IL6ST: variants seen among roughly 807,000 people sequenced by gnomAD.
IL6ST encodes the protein interleukin-6 receptor subunit beta.
In IL6ST, 24 loss-of-function variants were observed where a neutral mutation model predicts 91.3. The ratio of observed to expected loss-of-function variants is 0.26; its 90% CI spans 0.19 to 0.37. The LOEUF (loss-of-function observed/expected upper bound fraction) is 0.37. Among genes scored for constraint, IL6ST ranks in the 10% least tolerant of loss-of-function variants. IL6ST has a pLI of 1.00. For synonymous variants in IL6ST, 351 were observed against 373.6 expected (o/e 0.94, Z 0.70); for missense variants, 914 against 1,078.5 (o/e 0.85, Z 2.14).
At chr5:55,990,753 T>A (rs1487070309) in intron 1 of IL6ST, among the ~76,000 whole-genome samples, 2 of 141,706 alleles carry the variant, frequency 1.4e-5, no homozygotes, top group Non-Finnish European at 2.9e-5. Flanking sequence ...CCACTTTTTT[T>A]GTTTATTATA....
chr5:55,966,075 A>T (rs890786707), intron 5 of IL6ST, among the ~76,000 whole-genome samples: 6 of 152,206 alleles, frequency 3.9e-5, no homozygotes, highest in Non-Finnish European at 8.8e-5. Context: ...CAGTTGATAA[A>T]GGCAAGTTTT....
Position 55,972,372 on chromosome 5 carries a change from C to A in IL6ST, c.65-2517G>T, listed in dbSNP as rs190884154. ...CTAAAAATACAAAAAATTAGCCGGGCGTGGTGGCGGGCGCCTGTAGTCCCA... is the reference window on the plus strand; with the variant it reads ...CTAAAAATACAAAAAATTAGCCGGGAGTGGTGGCGGGCGCCTGTAGTCCCA... On this transcript the variant is annotated intron_variant, in intron 3 of 16. Coordinates refer to ENST00000381298, the MANE Select transcript of IL6ST (RefSeq NM_002184.4). Among the ~76,000 whole-genome samples the A allele has an allele frequency of 9.3e-4, 142 of 152,002 alleles. 1 individual carries two copies. The highest frequency in any genetic ancestry group is 3.2e-3 in the African/African-American group (132 of 41,484).
At position 55,976,195 on chromosome 5, in the gene IL6ST, G is replaced by A; in HGVS notation, c.64+20C>T. 2.2e-6 allele frequency: 3 copies of A among 1,390,954 alleles called. No individual in the cohort carries two copies. Among genetic ancestry groups the A allele is most frequent in the Non-Finnish European group, 3.0e-6 (3 of 1,011,132 alleles). 86.2% of individuals were successfully genotyped at this position (1,390,954 alleles called of 1,614,324 possible). On this transcript the variant is annotated intron_variant, in intron 3 of 16. Transcript: ENST00000381298. ...ACCTAATTTGTGAAGTTAGAAGATAGGGTATTTCATGAACCTTACCTGTAG... is the reference window on the plus strand; with the variant it reads ...ACCTAATTTGTGAAGTTAGAAGATAAGGTATTTCATGAACCTTACCTGTAG...
chr5:55,985,473 A>T (rs1753910915), intron 1 of IL6ST, among the ~76,000 whole-genome samples: 1 of 151,744 alleles, frequency 6.6e-6, no homozygotes, highest in Non-Finnish European at 1.5e-5. Flanking sequence ...GTGAGCAGAG[A>T]TAGCACCACT....
chr5:55,979,889 CTAGT>C (rs1753541394), intron 2 of IL6ST, among the ~76,000 whole-genome samples: 1 of 152,088 alleles, frequency 6.6e-6, no homozygotes, highest in Non-Finnish European at 1.5e-5. Context: ...TGATGGGACA[CTAGT>C]TAAATGATGG....
At chr5:55,971,489 C>T (rs190310274) in intron 3 of IL6ST, among the ~76,000 whole-genome samples, 282 of 152,292 alleles carry the variant, frequency 1.9e-3, no homozygotes, top group South Asian at 8.1e-3. Context: ...AAAGTCCCAA[C>T]TATTTGACAT....
intron 10 of IL6ST, 124 bp downstream of exon 10, chr5:55,955,901 C>G (rs901639162): frequency 1.8e-5 from 9 of 498,056 alleles, no homozygotes; most frequent in East Asian, 3.2e-5. Context: ...AAAAAATAAA[C>G]AAGTGATTAT....
rs1751640428 is a variant in IL6ST, at chr5:55,951,612, A to G, written c.1700-8T>C. On this transcript the variant is annotated splice_polypyrimidine_tract_variant and splice_region_variant and intron_variant, in intron 13 of 16. Coordinates refer to ENST00000381298, the MANE Select transcript of IL6ST (RefSeq NM_002184.4). ...AAGAATCCACATTCACAGCTGGAAG[A>G]AATAAGAACTGTGCTTCATTCAACT... The G allele has an allele frequency of 6.2e-7, 1 of 1,607,894 alleles. No individual in the cohort carries two copies. The highest frequency in any genetic ancestry group is 8.5e-7 in the Non-Finnish European group (1 of 1,178,174).
At chr5:55,967,309 CAAAAAAAAAAAAAAAAAAA>C (rs60547666) in intron 5 of IL6ST, among the ~76,000 whole-genome samples, 11 of 31,900 alleles carry the variant, frequency 3.4e-4, no homozygotes, top group African/African-American at 5.6e-4. Flanking sequence ...GACTCCATCT[CAAAAAAAAAAAAAAAAAAA>C]AAAAAAAAAA....
Position 55,940,010 on chromosome 5 carries a change from T to C in IL6ST, c.*1072A>G, listed in dbSNP as rs988074857. ...ACTAAAAATAAAAAAATTTAAATCT[T>C]TGCCTACTTATTTAAAAATAAAAAA... On this transcript the variant is annotated 3_prime_UTR_variant, in exon 17 of 17. Transcript: ENST00000381298. 2.5e-5 allele frequency: 5 copies of C among 197,530 alleles called. No individual in the cohort carries two copies. Among genetic ancestry groups the C allele is most frequent in the African/African-American group, 1.2e-4 (5 of 40,600 alleles). The allele number at this position is 197,530 out of a possible 1,614,324, so 12.2% of individuals were successfully genotyped here.
At position 55,960,478 on chromosome 5, in the gene IL6ST, A is replaced by T. The variant is rs1447597834; in HGVS notation, c.897T>A (p.Ile299=). The change falls in exon 8 of 17, where the codon ATT becomes ATA. Residue 299 remains isoleucine, a synonymous_variant. Transcript: ENST00000381298. Reference sequence around the variant, plus strand: ...CCTTACCATCTTCCTTCATACAGCGAATCCTAAACACATATTCTGTAAAAG... The same window carrying T: ...CCTTACCATCTTCCTTCATACAGCGTATCCTAAACACATATTCTGTAAAAG... ...LKPFTEYVFR[I]RCMKEDGKGY... 6.2e-7 allele frequency: 1 copy of T among 1,613,932 alleles called. No individual in the cohort carries two copies. The highest frequency in any genetic ancestry group is 1.3e-5 in the African/African-American group (1 of 74,912).
At chr5:55,953,253 C>A (rs1751752570) in intron 11 of IL6ST, among the ~76,000 whole-genome samples, 1 of 152,068 alleles carries the variant, frequency 6.6e-6, no homozygotes, top group Non-Finnish European at 1.5e-5. Context: ...CCTTCTTAAA[C>A]AGATTTTACC....
intron 2 of IL6ST, among the ~76,000 whole-genome samples, chr5:55,980,934 T>C (rs1753626521): frequency 6.6e-6 from 1 of 152,194 alleles, no homozygotes; most frequent in Admixed American, 6.5e-5. Flanking sequence ...CTCACTATGT[T>C]GCACAGGCAG....
chr5:55,985,253 C>T (rs1299206863), intron 1 of IL6ST, among the ~76,000 whole-genome samples: 2 of 152,154 alleles, frequency 1.3e-5, no homozygotes, highest in African/African-American at 4.8e-5. Context: ...CAGTAGCTCA[C>T]ACTTGTAATC....
intron 9 of IL6ST, 53 bp downstream of exon 9, chr5:55,957,156 C>CAAAA (rs35994470): frequency 1.2e-5 from 9 of 762,428 alleles, no homozygotes; most frequent in South Asian, 1.8e-5. Flanking sequence ...GACTCGGTTT[C>CAAAA]AAAAAAAAAA....
chr5:55,981,804 A>G (rs986411191), intron 2 of IL6ST, among the ~76,000 whole-genome samples: 1 of 152,214 alleles, frequency 6.6e-6, no homozygotes, highest in African/African-American at 2.4e-5. Flanking sequence ...CATACATTGC[A>G]TACACTAACC....
intron 7 of IL6ST, among the ~76,000 whole-genome samples, chr5:55,962,797 T>C (rs1480380139): frequency 6.6e-6 from 1 of 152,160 alleles, no homozygotes; most frequent in Non-Finnish European, 1.5e-5. Flanking sequence ...TTATTACTTG[T>C]ATTCTTTGTA....
intron 6 of IL6ST, 57 bp downstream of exon 6, chr5:55,964,084 CTACTT>C (rs901165252): frequency 1.3e-4 from 105 of 786,208 alleles, no homozygotes; most frequent in Middle Eastern, 4.2e-4. Flanking sequence ...AATATAAAAA[CTACTT>C]TAATTTGTAA....
At chr5:55,966,108 CA>C (rs1331257966) in intron 5 of IL6ST, among the ~76,000 whole-genome samples, 1 of 152,040 alleles carries the variant, frequency 6.6e-6, no homozygotes, top group Non-Finnish European at 1.5e-5. Context: ...TCAGCTAAAA[CA>C]AAACACAGAA....
Sources: allele counts gnomAD v4.1 joint callset (sites outside exome capture counted in the v4.1 genomes callset), GRCh38; gene constraint gnomAD v4.1.1; transcripts MANE v1.5; gene names NCBI Gene and HGNC (gene_info 2026-07-23, HGNC 2026-07-21).